Variants in DSE observed in about 807,000 individuals in gnomAD.
The protein encoded by DSE is dermatan sulfate epimerase.
In DSE, 36 loss-of-function variants were observed where a neutral mutation model predicts 84.4. The ratio of observed to expected loss-of-function variants is 0.43; its 90% CI spans 0.33 to 0.56. DSE has a LOEUF of 0.56. DSE is among the 20% of genes least tolerant of loss of function. DSE has a pLI of 0.06. For missense variants in DSE, 862 were observed against 1,169.6 expected (o/e 0.74, Z 3.84); for synonymous variants, 410 against 430.1 (o/e 0.95, Z 0.58).
Position 116,439,185 on chromosome 6 carries a change from A to G in DSE, c.*1840A>G, listed in dbSNP as rs571526163. On this transcript the variant is annotated 3_prime_UTR_variant, in exon 6 of 6. Coordinates refer to ENST00000644252, the MANE Select transcript of DSE (RefSeq NM_013352.4). ...ATCAAAAGGAAATTTTGAAAGAAAA[A>G]AAAAAGGAAAATTATTCTTTGAGGT... 2 of 152,308 alleles carry G rather than the reference A, an allele frequency of 1.3e-5. No homozygotes were observed. The highest frequency in any genetic ancestry group is 4.1e-4 in the South Asian group (2 of 4,824). The allele number at this position is 152,308 out of a possible 1,614,324, so 9.4% of individuals were successfully genotyped here. A position where few individuals can be genotyped will look rare whatever the true frequency, so the allele number is the denominator to read the frequency against.
intron 2 of DSE, among the ~76,000 whole-genome samples, chr6:116,356,791 C>T (rs886361026): frequency 6.6e-6 from 1 of 151,992 alleles, no homozygotes; most frequent in Non-Finnish European, 1.5e-5. Context: ...TTGTCTTTGG[C>T]GACAGTAGCC....
chr6:116,431,372 G>T (rs1783830935), intron 4 of DSE, among the ~76,000 whole-genome samples, 179 bp downstream of exon 4: 1 of 152,108 alleles, frequency 6.6e-6, no homozygotes, highest in African/African-American at 2.4e-5. Context: ...AGAACATTTT[G>T]GAGGCTAATG....
At chr6:116,404,466 A>T (rs754541712) in intron 2 of DSE, among the ~76,000 whole-genome samples, 15 of 152,216 alleles carry the variant, frequency 9.9e-5, no homozygotes, top group Non-Finnish European at 2.1e-4. Flanking sequence ...CCTGAGGAAC[A>T]GGTCTGGCCC....
In DSE at chr6:116,437,488, C is replaced by A. The variant is rs573503981; in HGVS notation, c.*143C>A. On this transcript the variant is annotated 3_prime_UTR_variant, in exon 6 of 6. Transcript: ENST00000644252. ...GGGAAGATATTTTGACACAAGAAAGCAGGAACGTGGAGAAATTGGAGCAGG... is the reference window on the plus strand; with the variant it reads ...GGGAAGATATTTTGACACAAGAAAGAAGGAACGTGGAGAAATTGGAGCAGG... 51 of 759,326 alleles carry A rather than the reference C, an allele frequency of 6.7e-5. 1 individual carries two copies. In the African/African-American group the frequency reaches 8.7e-4, roughly 13 times the overall value. The allele number at this position is 759,326 out of a possible 1,614,324, so 47.0% of individuals were successfully genotyped here. A position where few individuals can be genotyped will look rare whatever the true frequency, so the allele number is the denominator to read the frequency against.
chr6:116,399,726 A>C (rs919221217), intron 2 of DSE, 60 bp downstream of exon 2: 2 of 1,505,478 alleles, frequency 1.3e-6, no homozygotes, highest in African/African-American at 1.4e-5. Context: ...AAACAAATCC[A>C]TATGACATCT....
At position 116,444,678 on chromosome 6, in the gene DSE, A is replaced by G. The variant is rs1192008820; in HGVS notation, c.*7333A>G. 1 of 152,182 alleles carries G rather than the reference A, an allele frequency of 6.6e-6. No homozygotes were observed. The highest frequency in any genetic ancestry group is 1.5e-5 in the Non-Finnish European group (1 of 68,036). 9.4% of individuals were successfully genotyped at this position (152,182 alleles called of 1,614,324 possible). A position where few individuals can be genotyped will look rare whatever the true frequency, so the allele number is the denominator to read the frequency against. On this transcript the variant is annotated 3_prime_UTR_variant, in exon 6 of 6. Transcript: ENST00000644252. ...TGGAGCCCTCGTGAATGGGAGTAGT[A>G]TCCTTATAAAAGATACCCCAGAGAG...
intron 1 of DSE, among the ~76,000 whole-genome samples, chr6:116,382,988 G>T (rs1230378796): frequency 6.6e-6 from 1 of 152,168 alleles, no homozygotes. Flanking sequence ...TAGAGAACTA[G>T]GCTGTCTCAG....
intron 2 of DSE, among the ~76,000 whole-genome samples, chr6:116,273,520 A>G (rs1345703159): frequency 6.6e-6 from 1 of 152,234 alleles, no homozygotes; most frequent in Non-Finnish European, 1.5e-5. Flanking sequence ...TCACTTCTAT[A>G]TAGTCTAGGA....
chr6:116,433,891 G>A (rs1418767573), intron 5 of DSE, among the ~76,000 whole-genome samples: 2 of 152,064 alleles, frequency 1.3e-5, no homozygotes, highest in African/African-American at 4.8e-5. Context: ...TATTAGAGCT[G>A]TCCTACACTT....
At chr6:116,288,337 C>T (rs1241878266) in intron 2 of DSE, 2 of 152,064 alleles carry the variant, frequency 1.3e-5, no homozygotes, top group Non-Finnish European at 2.9e-5. Context: ...AAAACTTAGG[C>T]ATATTAAAGT....
chr6:116,269,922 C>A (rs1772811097), intron 2 of DSE, among the ~76,000 whole-genome samples: 1 of 152,140 alleles, frequency 6.6e-6, no homozygotes, highest in Non-Finnish European at 1.5e-5. Context: ...GACTGGAACA[C>A]AGCCACTCTC....
chr6:116,380,008 C>T (rs192919883), intron 1 of DSE, among the ~76,000 whole-genome samples: 7 of 152,270 alleles, frequency 4.6e-5, no homozygotes, highest in Non-Finnish European at 7.4e-5. Flanking sequence ...GGTTATATTA[C>T]AGATCCTTCT....
intron 1 of DSE, among the ~76,000 whole-genome samples, chr6:116,385,125 T>C (rs1192105715): frequency 2.0e-5 from 3 of 152,164 alleles, no homozygotes; most frequent in Non-Finnish European, 4.4e-5. Flanking sequence ...TCACCTCATG[T>C]ATACAGGAAT....
intron 2 of DSE, among the ~76,000 whole-genome samples, chr6:116,296,893 A>G (rs1463126484): frequency 6.6e-6 from 1 of 152,116 alleles, no homozygotes; most frequent in African/African-American, 2.4e-5. Context: ...GGTGGATTCG[A>G]CATAATTGAA....
At chr6:116,260,141 G>A (rs961200470) in intron 2 of DSE, among the ~76,000 whole-genome samples, 1 of 151,586 alleles carries the variant, frequency 6.6e-6, no homozygotes, top group East Asian at 1.9e-4. Flanking sequence ...CCACAACCTC[G>A]CCAGCATCTG....
chr6:116,417,125 G>T (rs564855205), intron 2 of DSE, among the ~76,000 whole-genome samples: 42 of 152,252 alleles, frequency 2.8e-4, no homozygotes, highest in Admixed American at 5.9e-4. Flanking sequence ...TAGAGGTCTT[G>T]TTCCTAAATT....
intron 2 of DSE, among the ~76,000 whole-genome samples, chr6:116,285,085 G>C (rs1773799331): frequency 6.6e-6 from 1 of 152,130 alleles, no homozygotes; most frequent in South Asian, 2.1e-4. Context: ...GATCCCTGAG[G>C]ACTCGCCACA....
chr6:116,293,352 A>G (rs1280935359), intron 2 of DSE, among the ~76,000 whole-genome samples: 2 of 151,048 alleles, frequency 1.3e-5, no homozygotes, highest in Admixed American at 6.6e-5. Flanking sequence ...GCTCACTACA[A>G]CCTCTGCCTC....
At chr6:116,397,207 C>CTTTTTTTTT (rs11296951) in intron 1 of DSE, among the ~76,000 whole-genome samples, 5 of 105,172 alleles carry the variant, frequency 4.8e-5, no homozygotes, top group East Asian at 2.4e-4. Flanking sequence ...CTCTTTCTTT[C>CTTTTTTTTT]TTTTTTTTTT....
Sources: allele counts gnomAD v4.1 joint callset (sites outside exome capture counted in the v4.1 genomes callset), GRCh38; gene constraint gnomAD v4.1.1; transcripts MANE v1.5; gene names NCBI Gene and HGNC (gene_info 2026-07-23, HGNC 2026-07-21).